The following UNC13C variants were observed in gnomAD, a reference collection of about 807,000 sequenced individuals.
UNC13C encodes unc-13 homolog C, also known as protein unc-13 homolog C.
In UNC13C, 174 loss-of-function variants were observed where a neutral mutation model predicts 245.4. The observed-to-expected ratio is 0.71, with a 90% CI of 0.63 to 0.80. The LOEUF is 0.80. Ranked by LOEUF, UNC13C falls within the 30% of genes least tolerant of loss-of-function variation. The probability of loss-of-function intolerance (pLI) is 0.00; values close to 1 mark genes in which losing one functional copy is unlikely to be tolerated. For missense variants in UNC13C, 2,829 were observed against 2,602.9 expected (o/e 1.09, Z -1.89); for synonymous variants, 992 against 895.1 (o/e 1.11, Z -1.93).
chr15:54,200,425 A>G (rs565236728), intron 4 of UNC13C, among the ~76,000 whole-genome samples: 11 of 152,060 alleles, frequency 7.2e-5, no homozygotes, highest in Non-Finnish European at 1.2e-4. Flanking sequence ...AGACCATATG[A>G]CAGGCCACAG....
chr15:53,983,371 G>C (rs1161435954), intron 1 of UNC13C, among the ~76,000 whole-genome samples: 1 of 148,240 alleles, frequency 6.7e-6, no homozygotes, highest in Non-Finnish European at 1.5e-5. Flanking sequence ...GTGGCTGAAG[G>C]GGAAATTTAA....
At chr15:54,204,614 G>A (rs1269914505) in intron 4 of UNC13C, among the ~76,000 whole-genome samples, 1 of 151,988 alleles carries the variant, frequency 6.6e-6, no homozygotes, top group Non-Finnish European at 1.5e-5. Flanking sequence ...ACTCAAGAAA[G>A]TTGTAAAACT....
At chr15:54,121,243 C>A (rs72744203) in intron 2 of UNC13C, among the ~76,000 whole-genome samples, 4,086 of 152,242 alleles carry the variant, frequency 0.027, 76 homozygotes, top group Middle Eastern at 0.075. Flanking sequence ...ACAACCACCA[C>A]CCTGATTAGT....
At chr15:54,122,291 G>A (rs1431711024) in intron 2 of UNC13C, among the ~76,000 whole-genome samples, 1 of 151,822 alleles carries the variant, frequency 6.6e-6, no homozygotes, top group African/African-American at 2.4e-5. Flanking sequence ...GAAATTTCTG[G>A]AGATTTTCTT....
chr15:54,310,654 G>T (rs2037844157), intron 13 of UNC13C, among the ~76,000 whole-genome samples: 1 of 151,674 alleles, frequency 6.6e-6, no homozygotes, highest in African/African-American at 2.4e-5. Context: ...ACAGAAGACG[G>T]CTAGGTTTAG....
intron 21 of UNC13C, 48 bp downstream of exon 21, chr15:54,500,223 A>G (rs746134276): frequency 1.4e-6 from 2 of 1,385,896 alleles, no homozygotes; most frequent in Admixed American, 1.9e-5. Context: ...ATTCAGTCAC[A>G]TTGCTTACTT....
intron 17 of UNC13C, among the ~76,000 whole-genome samples, chr15:54,344,535 A>G (rs905127011): frequency 1.3e-5 from 2 of 152,178 alleles, no homozygotes; most frequent in African/African-American, 4.8e-5. Context: ...TTGGAAAAAT[A>G]CTTTTTCATC....
At chr15:54,498,952 CTACAT>C (rs1894078562) in intron 20 of UNC13C, among the ~76,000 whole-genome samples, 2 of 152,234 alleles carry the variant, frequency 1.3e-5, no homozygotes, top group African/African-American at 4.8e-5. Flanking sequence ...AACTGGAGAA[CTACAT>C]TATTGGTTAG....
intron 2 of UNC13C, among the ~76,000 whole-genome samples, chr15:54,135,081 T>G (rs1475376357): frequency 6.6e-6 from 1 of 152,220 alleles, no homozygotes; most frequent in Non-Finnish European, 1.5e-5. Flanking sequence ...ATTGAGCACC[T>G]TTTTAAATGT....
the UNC13C span, among the ~76,000 whole-genome samples, chr15:53,847,433 T>A: frequency 6.6e-6 from 1 of 151,884 alleles, no homozygotes; most frequent in East Asian, 1.9e-4. Context: ...CTCCCCTCAC[T>A]GCAACCTCTG....
intron 16 of UNC13C, among the ~76,000 whole-genome samples, chr15:54,334,808 T>A (rs1374737408): frequency 1.3e-5 from 2 of 152,150 alleles, no homozygotes; most frequent in African/African-American, 4.8e-5. Flanking sequence ...GATTGACAAG[T>A]GATGTCTGCC....
chr15:54,368,144 C>G (rs148596695), intron 17 of UNC13C, among the ~76,000 whole-genome samples: 1 of 152,008 alleles, frequency 6.6e-6, no homozygotes, highest in Non-Finnish European at 1.5e-5. Context: ...AGATTACTAG[C>G]CAGAGTTTCT....
chr15:53,932,314 A>AAAC, the UNC13C span, among the ~76,000 whole-genome samples: 37 of 89,246 alleles, frequency 4.1e-4, no homozygotes, highest in South Asian at 1.6e-3. Flanking sequence ...TCAAAAATCA[A>AAAC]AACAACAACA....
intron 19 of UNC13C, among the ~76,000 whole-genome samples, chr15:54,418,145 G>A (rs1332539644): frequency 6.6e-6 from 1 of 152,016 alleles, no homozygotes; most frequent in African/African-American, 2.4e-5. Flanking sequence ...TAAAGCTTTA[G>A]CTCATCAGAA....
the UNC13C span, among the ~76,000 whole-genome samples, chr15:53,920,092 G>A: frequency 7.4e-6 from 1 of 135,260 alleles, no homozygotes; most frequent in Non-Finnish European, 1.7e-5. Context: ...AAAAGATAAT[G>A]TTCATAATTA....
intron 2 of UNC13C, among the ~76,000 whole-genome samples, chr15:54,131,193 A>C (rs1262031276): frequency 6.6e-6 from 1 of 152,168 alleles, no homozygotes; most frequent in East Asian, 1.9e-4. Flanking sequence ...GTCTGCATGG[A>C]ATTTTGGTAT....
At chr15:54,000,781 C>G (rs757475633) in intron 1 of UNC13C, among the ~76,000 whole-genome samples, 4 of 152,136 alleles carry the variant, frequency 2.6e-5, no homozygotes, top group Non-Finnish European at 5.9e-5. Flanking sequence ...TGTTTAGACA[C>G]TCGAGGTGCG....
chr15:54,467,934 C>G (rs540130980), intron 19 of UNC13C, among the ~76,000 whole-genome samples: 2 of 151,152 alleles, frequency 1.3e-5, no homozygotes, highest in South Asian at 4.2e-4. Flanking sequence ...ATGTAGATAT[C>G]TATCTCTTCA....
intron 30 of UNC13C, among the ~76,000 whole-genome samples, chr15:54,597,868 T>A (rs1056346520): frequency 7.2e-5 from 11 of 152,322 alleles, no homozygotes; most frequent in Middle Eastern, 3.4e-3. Context: ...CTAATACTCA[T>A]GGAGCACAGT....
Sources: gnomAD v4.1 joint callset for allele counts (sites outside exome capture counted in the v4.1 genomes callset) on GRCh38, gnomAD v4.1.1 for gene constraint, MANE v1.5 for transcripts, NCBI Gene and HGNC (gene_info 2026-07-23, HGNC 2026-07-21) for gene names.